Variants in EPHB1 observed in about 807,000 individuals in gnomAD.
The protein encoded by EPHB1 is EPH receptor B1.
In EPHB1, 30 loss-of-function variants were observed where a neutral mutation model predicts 94.4. The observed-to-expected ratio is 0.32, with a 90% confidence interval of 0.24 to 0.43. EPHB1 has a LOEUF of 0.43. EPHB1 is among the 20% of genes least tolerant of loss of function. The probability of loss-of-function intolerance (pLI) is 1.00; values close to 1 mark genes in which losing one functional copy is unlikely to be tolerated. For missense variants in EPHB1, 1,055 were observed against 1,308.3 expected, an observed-to-expected ratio of 0.81 and a Z score of 2.99; for synonymous variants, 522 against 489.1, an observed-to-expected ratio of 1.07 and a Z score of -0.89.
chr3:134,983,756 G>A (rs1039904157), intron 3 of EPHB1, among the ~76,000 whole-genome samples: 2 of 152,230 alleles, frequency 1.3e-5, no homozygotes, highest in South Asian at 2.1e-4. Flanking sequence ...TGAAGGATCT[G>A]CAGAAGGCAT....
At chr3:134,861,283 C>T (rs4955508) in intron 1 of EPHB1, among the ~76,000 whole-genome samples, 83,215 of 152,048 alleles carry the variant, frequency 0.55, 25,620 homozygotes, top group East Asian at 0.8. Context: ...GATATTTAAG[C>T]AGAAAGCAGC....
At chr3:134,878,175 C>T (rs1395233356) in intron 1 of EPHB1, among the ~76,000 whole-genome samples, 3 of 152,304 alleles carry the variant, frequency 2.0e-5, no homozygotes, top group Non-Finnish European at 2.9e-5. Flanking sequence ...CTCTATGGAG[C>T]CTTCTGAGGG....
chr3:134,964,993 A>T (rs1035506659), intron 3 of EPHB1, among the ~76,000 whole-genome samples: 5 of 152,236 alleles, frequency 3.3e-5, no homozygotes, highest in Non-Finnish European at 7.3e-5. Flanking sequence ...AATCAATAGC[A>T]AATATTACAA....
intron 5 of EPHB1, among the ~76,000 whole-genome samples, chr3:135,139,913 G>A (rs1234472948): frequency 2.0e-5 from 3 of 152,204 alleles, no homozygotes; most frequent in African/African-American, 7.2e-5. Context: ...CAGTGGTTGG[G>A]TATGGGAATT....
intron 5 of EPHB1, among the ~76,000 whole-genome samples, chr3:135,135,963 A>G (rs528270669): frequency 2.6e-5 from 4 of 152,352 alleles, no homozygotes; most frequent in Admixed American, 2.6e-4. Context: ...GTGTGGACTC[A>G]TTTAATCCTC....
chr3:134,881,949 G>A (rs546385921), intron 1 of EPHB1, among the ~76,000 whole-genome samples: 1 of 152,224 alleles, frequency 6.6e-6, no homozygotes, highest in East Asian at 1.9e-4. Context: ...AAGCTTTATT[G>A]CAAAAAACAA....
intron 15 of EPHB1, among the ~76,000 whole-genome samples, chr3:135,251,713 T>A (rs1010742836): frequency 1.1e-4 from 16 of 152,166 alleles, no homozygotes; most frequent in Admixed American, 2.0e-4. Flanking sequence ...ACCAGCAGCA[T>A]CCCTTGGGAG....
At chr3:134,820,711 C>G (rs552738230) in intron 1 of EPHB1, among the ~76,000 whole-genome samples, 2 of 152,148 alleles carry the variant, frequency 1.3e-5, no homozygotes, top group Non-Finnish European at 2.9e-5. Flanking sequence ...TCCCACCACT[C>G]GGCCCCAGGC....
At chr3:135,248,821 C>G (rs1387187746) in intron 14 of EPHB1, among the ~76,000 whole-genome samples, 1 of 151,894 alleles carries the variant, frequency 6.6e-6, no homozygotes, top group Admixed American at 6.6e-5. Context: ...AGGGAGATGT[C>G]AAGATAGCAC....
At chr3:134,827,844 C>A (rs754041080) in intron 1 of EPHB1, among the ~76,000 whole-genome samples, 1 of 152,102 alleles carries the variant, frequency 6.6e-6, no homozygotes, top group Non-Finnish European at 1.5e-5. Context: ...TGGCAGAAAC[C>A]GACCTGCAAA....
intron 1 of EPHB1, among the ~76,000 whole-genome samples, chr3:134,853,122 T>C (rs1308819509): frequency 2.0e-5 from 3 of 151,492 alleles, no homozygotes; most frequent in Admixed American, 6.6e-5. Context: ...AGAAGTAGAA[T>C]AGAAAATGAA....
chr3:135,084,374 G>T lies in EPHB1; in HGVS notation c.806-22074G>T, dbSNP rs577270578. ...ACCCGTACAGCCTAGAAAAGACAGT[G>T]CTCATGGTTAGATTAGCCTCGTGGA... is the stretch of plus-strand genomic sequence containing the variant. On this transcript the variant is annotated intron_variant, in intron 3 of 15. Transcript: ENST00000398015. Among the ~76,000 whole-genome samples the T allele has an allele frequency of 4.9e-4, 74 of 152,236 alleles. 1 individual carries two copies. Among genetic ancestry groups the T allele is most frequent in the African/African-American group, 1.8e-3 (73 of 41,542 alleles).
At chr3:134,797,084 T>G (rs899731987) in intron 1 of EPHB1, among the ~76,000 whole-genome samples, 1 of 152,192 alleles carries the variant, frequency 6.6e-6, no homozygotes, top group Non-Finnish European at 1.5e-5. Flanking sequence ...TTTGTTCTGG[T>G]GGCGGCGTGG....
intron 3 of EPHB1, among the ~76,000 whole-genome samples, chr3:135,020,481 T>C (rs1459468904): frequency 6.6e-6 from 1 of 152,248 alleles, no homozygotes; most frequent in Non-Finnish European, 1.5e-5. Context: ...GCCATCTCTA[T>C]GGATTTGCCT....
intron 3 of EPHB1, among the ~76,000 whole-genome samples, chr3:135,058,685 A>G (rs1166528788): frequency 2.6e-5 from 4 of 152,174 alleles, no homozygotes; most frequent in Non-Finnish European, 5.9e-5. Context: ...TGTTCCTTCA[A>G]CATTGACTGT....
chr3:135,041,399 C>T (rs1936838587), intron 3 of EPHB1, among the ~76,000 whole-genome samples: 1 of 152,126 alleles, frequency 6.6e-6, no homozygotes, highest in African/African-American at 2.4e-5. Flanking sequence ...GTGTTCATGG[C>T]CTTCCTGTAA....
intron 10 of EPHB1, among the ~76,000 whole-genome samples, chr3:135,188,478 T>C (rs558425276): frequency 1.3e-5 from 2 of 152,088 alleles, no homozygotes; most frequent in Non-Finnish European, 2.9e-5. Flanking sequence ...CTGGGCGACA[T>C]AGCAAGACTC....
intron 3 of EPHB1, among the ~76,000 whole-genome samples, chr3:135,034,909 A>T (rs917399100): frequency 6.6e-6 from 1 of 152,242 alleles, no homozygotes; most frequent in African/African-American, 2.4e-5. Context: ...AGCCAGAGGA[A>T]GGAGGACGAT....
At chr3:134,862,731 G>A (rs1185213761) in intron 1 of EPHB1, among the ~76,000 whole-genome samples, 2 of 152,110 alleles carry the variant, frequency 1.3e-5, no homozygotes, top group African/African-American at 4.8e-5. Context: ...TCAAGAATCT[G>A]AAGGCTGGTC....
Sources: allele counts gnomAD v4.1 joint callset (sites outside exome capture counted in the v4.1 genomes callset), GRCh38; gene constraint gnomAD v4.1.1; transcripts MANE v1.5; gene names NCBI Gene and HGNC (gene_info 2026-07-23, HGNC 2026-07-21).